COX19: variants seen among roughly 807,000 people sequenced by gnomAD.
COX19 encodes cytochrome c oxidase assembly protein COX19.
A neutral mutation model predicts 6.8 loss-of-function variants in COX19; 8 were observed. The ratio of observed to expected loss-of-function variants is 1.18; its 90% CI spans 0.69 to 2.12. The LOEUF (loss-of-function observed/expected upper bound fraction) is 2.12. Among genes scored for constraint, COX19 ranks in the 30% most tolerant of loss-of-function variants. The probability of loss-of-function intolerance (pLI) is 0.00; values close to 1 mark genes in which losing one functional copy is unlikely to be tolerated. For missense variants in COX19, 131 were observed against 104.6 expected (o/e 1.25, Z -1.10); for synonymous variants, 51 against 38.0 (o/e 1.34, Z -1.26).
At chr7:969,511 G>A in intron 2 of COX19, 55 bp from the exon 3 acceptor site, 4 of 1,102,746 alleles carry the variant, frequency 3.6e-6, no homozygotes, top group South Asian at 1.3e-5. Context: ...GACAAGAGGG[G>A]CCCTTGCAGG....
rs11974179 is a variant in COX19, at chr7:965,787, C to T, written c.*3591G>A. ...CCCGAATAGCTGGATTACAGACACA[C>T]GCCACCAGCCCCAGCTAATTTTTGT... On this transcript the variant is annotated 3_prime_UTR_variant, in exon 3 of 3. Coordinates refer to ENST00000344111, the MANE Select transcript of COX19 (RefSeq NM_001031617.3). Among the ~76,000 whole-genome samples, 19,096 of 152,234 alleles carry T rather than the reference C, an allele frequency of 0.13. 1,639 individuals carry two copies. The highest frequency in any genetic ancestry group is 0.24 in the African/African-American group (9,964 of 41,520).
At chr7:972,165 C>G (rs1427179818) in intron 2 of COX19, among the ~76,000 whole-genome samples, 7 of 152,200 alleles carry the variant, frequency 4.6e-5, no homozygotes, top group Non-Finnish European at 8.8e-5. Context: ...CTAATTTAAA[C>G]ACGTGGCTCC....
chr7:970,439 A>ATTTTT (rs1171573366), intron 2 of COX19, among the ~76,000 whole-genome samples: 30 of 121,226 alleles, frequency 2.5e-4, no homozygotes, highest in African/African-American at 9.1e-4. Flanking sequence ...CGGCCAGCTA[A>ATTTTT]TTTTTTTTTT....
rs138590416 is a variant in COX19, at chr7:965,290, T to C, written c.*4088A>G. 3.9e-5 allele frequency among the ~76,000 whole-genome samples: 6 copies of C among 152,332 alleles called. No homozygotes were observed. Among genetic ancestry groups the C allele is most frequent in the Non-Finnish European group, 7.3e-5 (5 of 68,028 alleles). On this transcript the variant is annotated 3_prime_UTR_variant, in exon 3 of 3. Transcript: ENST00000344111. ...TCAGACTTCCAAAAAGTTCCAAAAA[T>C]AGGACAGTGTGTATACCCAGTTCCC...
In COX19 at chr7:965,375, C is replaced by T. The variant is rs764595078; in HGVS notation, c.*4003G>A. Among the ~76,000 whole-genome samples, 27 of 152,184 alleles carry T rather than the reference C, an allele frequency of 1.8e-4. No individual in the cohort carries two copies. The highest frequency in any genetic ancestry group is 3.8e-4 in the Non-Finnish European group (26 of 68,032). ...GCCAGTCACTTCGCAGAAGGCTCCT[C>T]GGTTTGGGTCTGTGTCTGTTGTCTC... On this transcript the variant is annotated 3_prime_UTR_variant, in exon 3 of 3. Coordinates refer to ENST00000344111, the MANE Select transcript of COX19 (RefSeq NM_001031617.3).
chr7:972,973 CAAG>C (rs1847656159), intron 2 of COX19: 1 of 355,380 alleles, frequency 2.8e-6, no homozygotes, highest in African/African-American at 2.1e-5. Flanking sequence ...CGCTATCGCT[CAAG>C]AAGAGGTTCC....
intron 1 of COX19, among the ~76,000 whole-genome samples, chr7:974,558 G>A (rs975699715): frequency 2.6e-5 from 4 of 152,234 alleles, no homozygotes; most frequent in Non-Finnish European, 4.4e-5. Context: ...GATGGTCACA[G>A]GAGAGTTCAG....
intron 1 of COX19, chr7:974,849 G>C (rs1847683007): frequency 1.3e-5 from 2 of 152,222 alleles, no homozygotes; most frequent in African/African-American, 4.8e-5. Context: ...GTAGAGACGG[G>C]GTTTCCCCAT....
chr7:969,558 C>T lies in COX19; in HGVS notation c.195-102G>A, dbSNP rs1192918844. The T allele has an allele frequency of 1.7e-5, 13 of 775,966 alleles. 1 individual carries two copies. Among genetic ancestry groups the T allele is most frequent in the Non-Finnish European group, 2.9e-5 (13 of 452,886 alleles). The allele number at this position is 775,966 out of a possible 1,614,324, so 48.1% of individuals were successfully genotyped here. A position where few individuals can be genotyped will look rare whatever the true frequency, so the allele number is the denominator to read the frequency against. The stretch of plus-strand genomic sequence containing the variant: ...CAGCGCACACCGGGGGTCCTGCCAC[C>T]TCCATCTATGTCCTGGGAGAGTGGC... On this transcript the variant is annotated intron_variant, in intron 2 of 2. Coordinates refer to ENST00000344111, the MANE Select transcript of COX19 (RefSeq NM_001031617.3).
In COX19 at chr7:975,419, G is replaced by C; in HGVS notation, c.82+9C>G. 1 of 1,581,414 alleles carries C rather than the reference G, an allele frequency of 6.3e-7. No homozygotes were observed. The highest frequency in any genetic ancestry group is 8.6e-7 in the Non-Finnish European group (1 of 1,165,434). On this transcript the variant is annotated intron_variant, in intron 1 of 2. Transcript: ENST00000344111. ...GCAGACCCCTGCCCGCCGACCTTCCGCCGCTCACCTAAGTGATCCAGCGGG... is the reference window on the plus strand; with the variant it reads ...GCAGACCCCTGCCCGCCGACCTTCCCCCGCTCACCTAAGTGATCCAGCGGG...
rs1199591746 is a variant in COX19, at chr7:965,774, G to A, written c.*3604C>T. 6.6e-6 allele frequency among the ~76,000 whole-genome samples: 1 copy of A among 152,208 alleles called. No individual in the cohort carries two copies. The highest frequency in any genetic ancestry group is 1.5e-5 in the Non-Finnish European group (1 of 68,040). The stretch of plus-strand genomic sequence containing the variant: ...CCCACCTCGGCCTCCCGAATAGCTG[G>A]ATTACAGACACACGCCACCAGCCCC... On this transcript the variant is annotated 3_prime_UTR_variant, in exon 3 of 3. Transcript: ENST00000344111.
intron 2 of COX19, among the ~76,000 whole-genome samples, chr7:969,776 C>A (rs561977353): frequency 1.2e-4 from 18 of 152,256 alleles, no homozygotes; most frequent in Middle Eastern, 3.4e-3. Flanking sequence ...TGTATCTGGA[C>A]AACAGCTTCA....
chr7:975,464 G>C lies in COX19; in HGVS notation c.46C>G (p.Pro16Ala). The change falls in exon 1 of 3, where the codon CCC (proline) becomes GCC (alanine). Residue 16 changes from proline (P) to alanine (A), a missense_variant. Transcript: ENST00000344111. ...NFGTKSFQPR[P>A]PDKGSFPLDH... ...AGCGGGAAGCTGCCCTTGTCCGGGG[G>C]CCGCGGCTGGAAGCTCTTGGTCCCG... 1 of 1,601,868 alleles carries C rather than the reference G, an allele frequency of 6.2e-7. No homozygotes were observed. The highest frequency in any genetic ancestry group is 8.5e-7 in the Non-Finnish European group (1 of 1,175,714).
chr7:969,498 G>GGGGAA, intron 2 of COX19, 42 bp from the exon 3 acceptor site: 3 of 1,276,528 alleles, frequency 2.4e-6, no homozygotes, highest in Non-Finnish European at 3.4e-6. Flanking sequence ...GAGGTGCAGA[G>GGGGAA]AGGACAAGAG....
rs975291271 is a variant in COX19 at position 965,503 on chromosome 7, C to T, written c.*3875G>A. Reference sequence around the variant, plus strand: ...CGGTGCGGCCTGTGCGGCTCGCTCCCGGCGGTGGCTGCTGGGTTAAGGGGG... The same window carrying T: ...CGGTGCGGCCTGTGCGGCTCGCTCCTGGCGGTGGCTGCTGGGTTAAGGGGG... On this transcript the variant is annotated 3_prime_UTR_variant, in exon 3 of 3. Coordinates refer to ENST00000344111, the MANE Select transcript of COX19 (RefSeq NM_001031617.3). 6.6e-6 allele frequency among the ~76,000 whole-genome samples: 1 copy of T among 152,196 alleles called. No individual in the cohort carries two copies. Among genetic ancestry groups the T allele is most frequent in the East Asian group, 1.9e-4 (1 of 5,194 alleles).
Position 973,204 on chromosome 7 carries a change from T to G in COX19, c.171A>C (p.Glu57Asp). 1 of 1,600,816 alleles carries G rather than the reference T, an allele frequency of 6.2e-7. No individual in the cohort carries two copies. Among genetic ancestry groups the G allele is most frequent in the Non-Finnish European group, 8.5e-7 (1 of 1,174,298 alleles). ...ACCTCTCCATCCTGCATTCTAAATA[T>G]TCTTTTGATTCCTTTCTGCACAAAG... ...ENALCRKESKEYLECRMERKL... is the reference protein window; with the variant it reads ...ENALCRKESKDYLECRMERKL... Residue 57 changes from glutamate to aspartate, a missense_variant, in exon 2 of 3, where the codon GAA (glutamate) becomes GAC (aspartate). By Grantham distance (45) the Glu-to-Asp change is conservative (BLOSUM62 2). Coordinates refer to ENST00000344111, the MANE Select transcript of COX19 (RefSeq NM_001031617.3).
In COX19 at chr7:965,949, T is replaced by C. The variant is rs1583200836; in HGVS notation, c.*3429A>G. On this transcript the variant is annotated 3_prime_UTR_variant, in exon 3 of 3. Coordinates refer to ENST00000344111, the MANE Select transcript of COX19 (RefSeq NM_001031617.3). ...CCACTGGCGCCCGGCCCGCTGAGGG[T>C]TGTAATCTGCACCTGTCACCAGTGT... is the stretch of plus-strand genomic sequence containing the variant. The C allele has an allele frequency of 6.6e-6, 1 of 152,074 alleles. No homozygotes were observed. The highest frequency in any genetic ancestry group is 2.4e-5 in the African/African-American group (1 of 41,390). The allele number at this position is 152,074 out of a possible 1,614,324, so 9.4% of individuals were successfully genotyped here.
At chr7:972,341 T>G (rs781532326) in intron 2 of COX19, among the ~76,000 whole-genome samples, 1 of 152,058 alleles carries the variant, frequency 6.6e-6, no homozygotes, top group African/African-American at 2.4e-5. Context: ...CGGCCCCAAA[T>G]GTCCACACGA....
intron 2 of COX19, among the ~76,000 whole-genome samples, chr7:971,751 G>C (rs1164403379): frequency 6.6e-6 from 1 of 152,116 alleles, no homozygotes; most frequent in African/African-American, 2.4e-5. Context: ...GGCGCCTGTA[G>C]TCCCAGCTAC....
Sources: gnomAD v4.1 joint callset for allele counts (sites outside exome capture counted in the v4.1 genomes callset) on GRCh38, gnomAD v4.1.1 for gene constraint, MANE v1.5 for transcripts, NCBI Gene and HGNC (gene_info 2026-07-23, HGNC 2026-07-21) for gene names.